ASB5: variants seen among roughly 807,000 people sequenced by gnomAD.
ASB5 encodes the protein ankyrin repeat and SOCS box containing 5.
A neutral mutation model predicts 42.1 loss-of-function variants in ASB5; 45 were observed. That is an observed-to-expected ratio of 1.07 (90% CI 0.84 to 1.37). The LOEUF (loss-of-function observed/expected upper bound fraction) is 1.37. Among genes scored for constraint, ASB5 ranks in the 40% most tolerant of loss-of-function variants. ASB5 has a pLI of 0.00. For synonymous variants in ASB5, 147 were observed against 150.6 expected, an observed-to-expected ratio of 0.98 and a Z score of 0.18; for missense variants, 402 against 399.8, an observed-to-expected ratio of 1.01 and a Z score of -0.05.
Position 176,213,972 on chromosome 4 carries a change from A to G in ASB5, c.*1628T>C, listed in dbSNP as rs1219238749. 7 of 152,136 alleles carry G rather than the reference A, an allele frequency of 4.6e-5. No homozygotes were observed. 9.4% of individuals were successfully genotyped at this position (152,136 alleles called of 1,614,324 possible). ...GCTTTAATATCTGTTTAACCAGGTT[A>G]TTCTATAATAAGAACTCCATTTTAA... On this transcript the variant is annotated 3_prime_UTR_variant, in exon 7 of 7. Transcript: ENST00000296525.
chr4:176,263,603 G>T (rs1477728945), intron 1 of ASB5, among the ~76,000 whole-genome samples: 2 of 151,992 alleles, frequency 1.3e-5, no homozygotes, highest in Non-Finnish European at 2.9e-5. Flanking sequence ...TTCCACCTAC[G>T]TATAGAAAAT....
chr4:176,229,341 A>G (rs1314183023), intron 1 of ASB5, among the ~76,000 whole-genome samples: 1 of 152,168 alleles, frequency 6.6e-6, no homozygotes, highest in South Asian at 2.1e-4. Context: ...CTAGTATACC[A>G]TGATGACCTT....
At chr4:176,249,717 T>G (rs999436214) in intron 1 of ASB5, among the ~76,000 whole-genome samples, 1 of 152,056 alleles carries the variant, frequency 6.6e-6, no homozygotes, top group Non-Finnish European at 1.5e-5. Context: ...TCCAGAGGGC[T>G]GGGGAAGCAA....
rs193138899 is a variant in ASB5, at chr4:176,229,796, T to A, written c.197-4455A>T. ...GTCATTCTCAGAAACGAGTTTTGAA[T>A]GTTGGATGAGGGAGCCCTTGGCCCA... On this transcript the variant is annotated intron_variant, in intron 1 of 6. Coordinates refer to ENST00000296525, the MANE Select transcript of ASB5 (RefSeq NM_080874.4). Among the ~76,000 whole-genome samples the A allele has an allele frequency of 3.9e-3, 590 of 152,334 alleles. 5 individuals carry two copies. The highest frequency in any genetic ancestry group is 0.014 in the African/African-American group (567 of 41,572).
At chr4:176,238,206 CAAAAAAA>C (rs3060874) in intron 1 of ASB5, among the ~76,000 whole-genome samples, 1 of 101,170 alleles carries the variant, frequency 9.9e-6, no homozygotes. Flanking sequence ...GACTCCGTCT[CAAAAAAA>C]AAAAAAAAAA....
chr4:176,215,826 T>C (rs540166462), intron 6 of ASB5, 99 bp from the exon 7 acceptor site: 98 of 1,205,158 alleles, frequency 8.1e-5, no homozygotes, highest in Non-Finnish European at 7.4e-5. Flanking sequence ...CAATGCTTTG[T>C]AGTAAACCTA....
intron 1 of ASB5, among the ~76,000 whole-genome samples, chr4:176,239,601 T>C (rs144786513): frequency 3.6e-4 from 55 of 152,302 alleles, no homozygotes; most frequent in African/African-American, 1.2e-3. Flanking sequence ...ACAGCTGTTA[T>C]TGCACAGGTC....
At chr4:176,250,146 A>T (rs973033298) in intron 1 of ASB5, among the ~76,000 whole-genome samples, 3 of 152,190 alleles carry the variant, frequency 2.0e-5, no homozygotes, top group Non-Finnish European at 4.4e-5. Context: ...GTGTCCTAAA[A>T]TAATGATGAT....
At chr4:176,232,658 T>C (rs910520915) in intron 1 of ASB5, among the ~76,000 whole-genome samples, 3 of 152,220 alleles carry the variant, frequency 2.0e-5, no homozygotes, top group South Asian at 2.1e-4. Context: ...TTTACTAGCC[T>C]TTATTGTATA....
intron 1 of ASB5, among the ~76,000 whole-genome samples, chr4:176,250,670 G>A (rs1754015453): frequency 6.6e-6 from 1 of 152,224 alleles, no homozygotes; most frequent in African/African-American, 2.4e-5. Flanking sequence ...GACAGGAACA[G>A]AGATTGTCTG....
chr4:176,241,281 T>C (rs1358945416), intron 1 of ASB5, among the ~76,000 whole-genome samples: 1 of 152,210 alleles, frequency 6.6e-6, no homozygotes, highest in Admixed American at 6.5e-5. Context: ...TTTAAGTCCT[T>C]TATCTCAGGA....
At chr4:176,224,977 C>T (rs919488129) in intron 2 of ASB5, among the ~76,000 whole-genome samples, 6 of 152,206 alleles carry the variant, frequency 3.9e-5, no homozygotes, top group African/African-American at 1.4e-4. Flanking sequence ...ATTTAGAAAG[C>T]TCAATCAATA....
chr4:176,218,247 T>C (rs62341381), intron 5 of ASB5, among the ~76,000 whole-genome samples: 7,269 of 41,358 alleles, frequency 0.18, 2,293 homozygotes, highest in African/African-American at 0.25. Context: ...TTGTATGATA[T>C]ATAAATATAT....
chr4:176,267,028 C>T (rs1447822228), intron 1 of ASB5, among the ~76,000 whole-genome samples: 2 of 152,044 alleles, frequency 1.3e-5, no homozygotes, highest in African/African-American at 4.8e-5. Flanking sequence ...CCATGGCCTC[C>T]TCTAAAACTC....
At chr4:176,216,177 A>G (rs1752963935) in intron 6 of ASB5, among the ~76,000 whole-genome samples, 1 of 152,154 alleles carries the variant, frequency 6.6e-6, no homozygotes, top group Non-Finnish European at 1.5e-5. Flanking sequence ...TACTAATTTT[A>G]TTTCTATAAT....
chr4:176,257,539 TCTTACTTTC>T (rs1190951387), intron 1 of ASB5, among the ~76,000 whole-genome samples: 4 of 152,200 alleles, frequency 2.6e-5, no homozygotes, highest in Admixed American at 2.6e-4. Flanking sequence ...GCTCAGAATG[TCTTACTTTC>T]CTTTGTATCA....
At chr4:176,242,017 G>A (rs1420529198) in intron 1 of ASB5, among the ~76,000 whole-genome samples, 3 of 152,130 alleles carry the variant, frequency 2.0e-5, no homozygotes, top group Non-Finnish European at 4.4e-5. Context: ...GGGAAGATCC[G>A]GTGACAGGAG....
intron 1 of ASB5, among the ~76,000 whole-genome samples, chr4:176,227,403 G>A (rs1753410165): frequency 6.6e-6 from 1 of 152,170 alleles, no homozygotes; most frequent in Admixed American, 6.5e-5. Context: ...CAGATACAAA[G>A]GGATTGATGA....
At chr4:176,219,556 AATATGTATATATTTGTATGATAT>A in intron 5 of ASB5, among the ~76,000 whole-genome samples, 1 of 49,108 alleles carries the variant, frequency 2.0e-5, no homozygotes, top group Non-Finnish European at 4.3e-5. Context: ...ATGATATATA[AATATGTATATATTTGTATGATAT>A]ATATATATAT....
Sources: gnomAD v4.1 joint callset for allele counts (sites outside exome capture counted in the v4.1 genomes callset) on GRCh38, gnomAD v4.1.1 for gene constraint, MANE v1.5 for transcripts, NCBI Gene and HGNC (gene_info 2026-07-23, HGNC 2026-07-21) for gene names.